Variants in INTS7 observed in about 807,000 individuals in gnomAD.
The protein encoded by INTS7 is integrator complex subunit 7.
INTS7 carries 46 observed loss-of-function variants against 109.2 expected under a neutral mutation model. That is an observed-to-expected ratio of 0.42 (90% confidence interval 0.33 to 0.54). The LOEUF (loss-of-function observed/expected upper bound fraction) is 0.54, where lower values mean the gene tolerates loss of function less well. Ranked by LOEUF, INTS7 falls within the 20% of genes least tolerant of loss-of-function variation. INTS7 has a pLI of 0.07. For missense variants in INTS7, 929 were observed against 1,132.4 expected (o/e 0.82, Z 2.58); for synonymous variants, 412 against 402.9 (o/e 1.02, Z -0.27).
chr1:212,006,848 G>C (rs1665934884), intron 6 of INTS7, 87 bp from the exon 7 acceptor site: 2 of 1,107,604 alleles, frequency 1.8e-6, no homozygotes, highest in South Asian at 3.6e-5. Flanking sequence ...AACTTATAAA[G>C]GGACAGGACT....
chr1:211,976,555 C>A (rs772715353), intron 12 of INTS7, 27 bp downstream of exon 12: 2 of 1,590,176 alleles, frequency 1.3e-6, no homozygotes, highest in South Asian at 1.1e-5. Context: ...TCCAGCAACC[C>A]AGTTCACTCA....
At chr1:212,029,363 G>T (rs915063074) in intron 1 of INTS7, among the ~76,000 whole-genome samples, 1 of 152,206 alleles carries the variant, frequency 6.6e-6, no homozygotes. Flanking sequence ...TGTCATCTAG[G>T]AATATCGTAG....
chr1:211,971,405 A>G (rs1664161728), intron 13 of INTS7, among the ~76,000 whole-genome samples: 1 of 152,236 alleles, frequency 6.6e-6, no homozygotes, highest in African/African-American at 2.4e-5. Flanking sequence ...TCAACACTAT[A>G]GAGTGGGAAA....
In INTS7 at chr1:211,977,546, T is replaced by C. The variant is rs372741493; in HGVS notation, c.1470+726A>G. 1.8e-4 allele frequency among the ~76,000 whole-genome samples: 28 copies of C among 152,362 alleles called. 1 individual carries two copies. The East Asian group carries it at 2.5e-3, about 14-fold the overall frequency. ...GGTCAATCTTTTACACAATTCCCTC[T>C]GGAGGATTAAACATAAAACAGGCTT... is the stretch of plus-strand genomic sequence containing the variant. On this transcript the variant is annotated intron_variant, in intron 11 of 19. Transcript: ENST00000366994.
In INTS7 at chr1:211,968,099, A is replaced by G. The variant is rs1378026689; in HGVS notation, c.2011-118T>C. 7.2e-6 allele frequency: 4 copies of G among 558,192 alleles called. No individual in the cohort carries two copies. In the South Asian group the frequency reaches 8.0e-5, roughly 11 times the overall value. The allele number at this position is 558,192 out of a possible 1,614,324, so 34.6% of individuals were successfully genotyped here. On this transcript the variant is annotated intron_variant, in intron 14 of 19. Transcript: ENST00000366994. ...ATAACAATTCAAAAAAAATACTGCC[A>G]TCTTTTCACTGTCATTCCATTCATT...
chr1:212,016,443 G>T (rs886614810), intron 4 of INTS7, among the ~76,000 whole-genome samples: 2 of 152,206 alleles, frequency 1.3e-5, no homozygotes, highest in Non-Finnish European at 2.9e-5. Flanking sequence ...TGTAGGACAT[G>T]ACATTCTGAA....
chr1:211,962,551 C>G (rs1663684913), intron 16 of INTS7, among the ~76,000 whole-genome samples: 1 of 152,154 alleles, frequency 6.6e-6, no homozygotes, highest in Non-Finnish European at 1.5e-5. Context: ...ACAGAACTCT[C>G]CACCCAAAAA....
intron 10 of INTS7, among the ~76,000 whole-genome samples, chr1:211,980,820 C>T (rs1483026847): frequency 6.6e-6 from 1 of 152,168 alleles, no homozygotes; most frequent in African/African-American, 2.4e-5. Context: ...TTAAAATATT[C>T]TTCCCTTGGC....
intron 10 of INTS7, among the ~76,000 whole-genome samples, chr1:211,979,312 G>A (rs1388729055): frequency 6.6e-6 from 1 of 152,184 alleles, no homozygotes; most frequent in South Asian, 2.1e-4. Flanking sequence ...CATCAGTGGG[G>A]TGTCAGGCAC....
At chr1:211,951,927 T>C (rs1558022598) in intron 17 of INTS7, among the ~76,000 whole-genome samples, 1 of 151,482 alleles carries the variant, frequency 6.6e-6, no homozygotes, top group Non-Finnish European at 1.5e-5. Context: ...GGGGAGAAGA[T>C]AAAAAAAAGG....
Position 211,975,268 on chromosome 1 carries a change from T to C in INTS7, c.1713A>G (p.Ala571=). The stretch of plus-strand genomic sequence containing the variant: ...CTTGCAACCCAGTGAGACACTGTTC[T>C]GCATGTGAAAACTCCTTCAAACTAT... ...WLNSLKEFSH[A]EQCLTGLQEE... is the part of the protein sequence containing the mutation. Residue 571 remains alanine (A), a synonymous_variant, in exon 13 of 20, where the codon GCA becomes GCG. Transcript: ENST00000366994. 6.2e-7 allele frequency: 1 copy of C among 1,613,890 alleles called. No individual in the cohort carries two copies. Among genetic ancestry groups the C allele is most frequent in the South Asian group, 1.1e-5 (1 of 91,076 alleles).
intron 16 of INTS7, among the ~76,000 whole-genome samples, chr1:211,957,753 T>C (rs1663434943): frequency 1.3e-5 from 2 of 152,198 alleles, no homozygotes; most frequent in African/African-American, 4.8e-5. Flanking sequence ...AACTGCTGTT[T>C]GTGTCCTAAG....
intron 4 of INTS7, 42 bp downstream of exon 4, chr1:212,016,844 G>T: frequency 1.3e-6 from 2 of 1,547,742 alleles, no homozygotes; most frequent in South Asian, 1.3e-5. Context: ...ATTTTTCTTG[G>T]GAAGCCAAAT....
intron 4 of INTS7, among the ~76,000 whole-genome samples, chr1:212,015,117 C>A: frequency 6.7e-6 from 1 of 149,894 alleles, no homozygotes; most frequent in East Asian, 2.0e-4. Context: ...GCAGCCGCCC[C>A]GTCCGGGAGG....
intron 13 of INTS7, among the ~76,000 whole-genome samples, chr1:211,968,909 T>C (rs1451384854): frequency 6.6e-6 from 1 of 152,168 alleles, no homozygotes; most frequent in African/African-American, 2.4e-5. Flanking sequence ...AAAAACTGTA[T>C]GTACAACCAC....
chr1:212,028,371 G>A (rs930971740), intron 1 of INTS7, among the ~76,000 whole-genome samples: 6 of 152,192 alleles, frequency 3.9e-5, no homozygotes, highest in Non-Finnish European at 8.8e-5. Context: ...ACTGAAGAAG[G>A]TAGAAGTGTC....
intron 4 of INTS7, among the ~76,000 whole-genome samples, chr1:212,013,876 A>T (rs532019956): frequency 6.6e-6 from 1 of 152,174 alleles, no homozygotes; most frequent in African/African-American, 2.4e-5. Context: ...TAAGTCCTCT[A>T]CAATGTTTGC....
At chr1:211,996,072 T>C (rs1248905559) in intron 7 of INTS7, among the ~76,000 whole-genome samples, 1 of 152,172 alleles carries the variant, frequency 6.6e-6, no homozygotes, top group Non-Finnish European at 1.5e-5. Context: ...TAATTTAAGA[T>C]ATAGTATACC....
At chr1:211,971,915 CAAAAAAAAAAA>C (rs745814699) in intron 13 of INTS7, among the ~76,000 whole-genome samples, 6 of 79,820 alleles carry the variant, frequency 7.5e-5, no homozygotes, top group Admixed American at 6.4e-4. Flanking sequence ...AACTCAGTCT[CAAAAAAAAAAA>C]AAAAAAAAAA....
Sources: allele counts gnomAD v4.1 joint callset (sites outside exome capture counted in the v4.1 genomes callset), GRCh38; gene constraint gnomAD v4.1.1; transcripts MANE v1.5; gene names NCBI Gene and HGNC (gene_info 2026-07-23, HGNC 2026-07-21).